The following PPL variants were observed in gnomAD, a reference collection of about 807,000 sequenced individuals.
PPL encodes the protein periplakin.
In PPL, 198 loss-of-function variants were observed where a neutral mutation model predicts 194.4. That is an observed-to-expected ratio of 1.02 (90% CI 0.91 to 1.15). PPL has a LOEUF of 1.15. Among genes scored for constraint, PPL ranks in the 50% most tolerant of loss-of-function variants. The probability of loss-of-function intolerance (pLI) is 0.00; values close to 1 mark genes in which losing one functional copy is unlikely to be tolerated. For synonymous variants in PPL, 1,220 were observed against 972.4 expected, an observed-to-expected ratio of 1.25 and a Z score of -4.74; for missense variants, 2,885 against 2,294.8, an observed-to-expected ratio of 1.26 and a Z score of -5.25.
chr16:4,898,938 G>C (rs1482709734), intron 8 of PPL, 75 bp downstream of exon 8: 1 of 1,251,072 alleles, frequency 8.0e-7, no homozygotes, highest in Non-Finnish European at 1.2e-6. Flanking sequence ...GTCTGCCCGA[G>C]CTCCAGGCGG....
At chr16:4,887,306 C>T (rs1162907496) in intron 20 of PPL, 79 bp from the exon 21 acceptor site, 20 of 1,089,244 alleles carry the variant, frequency 1.8e-5, no homozygotes, top group African/African-American at 6.2e-5. Flanking sequence ...ACAGCGTGGA[C>T]GTGGTTCTTG....
chr16:4,893,659 T>C, intron 12 of PPL, 21 bp from the exon 13 acceptor site: 1 of 1,554,190 alleles, frequency 6.4e-7, no homozygotes, highest in Non-Finnish European at 8.7e-7. Flanking sequence ...AGAAATGAGC[T>C]GGGAACCTGG....
chr16:4,901,127 G>A (rs763223943), intron 4 of PPL, 38 bp from the exon 5 acceptor site: 4 of 1,608,712 alleles, frequency 2.5e-6, no homozygotes, highest in Non-Finnish European at 3.4e-6. Flanking sequence ...GGAGAGGGTG[G>A]GCTGAGGGCT....
rs1403664812 is a variant in PPL at position 4,885,459 on chromosome 16, G to C, written c.3196C>G (p.Leu1066Val). ...TGCAGCTGCTGGTACTCTGCCTCCA[G>C]CTGGGGGTCATTCTGCAGTTTCACC... ...EVVKLQNDPQ[L>V]EAEYQQLQED... Residue 1066 changes from leucine (L) to valine (V), a missense_variant, in exon 22 of 22, where the codon CTG (leucine) becomes GTG (valine). Leu to Val is a conservative substitution (Grantham distance 32, BLOSUM62 1). Coordinates refer to ENST00000345988, the MANE Select transcript of PPL (RefSeq NM_002705.5). The surrounding 1 kb of genome is among the most constrained non-coding windows in gnomAD (Gnocchi z 6.3). 1.9e-6 allele frequency: 3 copies of C among 1,612,444 alleles called. No individual in the cohort carries two copies. The highest frequency in any genetic ancestry group is 1.1e-5 in the South Asian group (1 of 91,070).
Position 4,886,110 on chromosome 16 carries a change from C to T in PPL, c.2608-63G>A, listed in dbSNP as rs917933393. 8 of 1,598,984 alleles carry T rather than the reference C, an allele frequency of 5.0e-6. No homozygotes were observed. The African/African-American group carries it at 6.8e-5, about 14-fold the overall frequency. On this transcript the variant is annotated intron_variant, in intron 21 of 21. Coordinates refer to ENST00000345988, the MANE Select transcript of PPL (RefSeq NM_002705.5). ...TCTGGCAGCACATGTAGGGCCTGTCCCCACCTGGTCAGAGTGGCTGTCCTG... is the reference window on the plus strand; with the variant it reads ...TCTGGCAGCACATGTAGGGCCTGTCTCCACCTGGTCAGAGTGGCTGTCCTG...
intron 2 of PPL, among the ~76,000 whole-genome samples, chr16:4,907,687 A>C (rs777080128): frequency 2.0e-5 from 3 of 152,160 alleles, no homozygotes; most frequent in Non-Finnish European, 4.4e-5. Context: ...TACACATTAC[A>C]TGGTTAATTT....
chr16:4,926,463 T>A (rs1167969907), intron 1 of PPL, among the ~76,000 whole-genome samples: 1 of 152,180 alleles, frequency 6.6e-6, no homozygotes, highest in Non-Finnish European at 1.5e-5. Flanking sequence ...CCCAAGCTTA[T>A]GTAAGGCCTG....
At chr16:4,921,925 G>A (rs2089058263) in intron 1 of PPL, among the ~76,000 whole-genome samples, 1 of 152,112 alleles carries the variant, frequency 6.6e-6, no homozygotes, top group Admixed American at 6.5e-5. Context: ...ATGCCCGTGA[G>A]AGGAGCTGGG....
intron 21 of PPL, 71 bp downstream of exon 21, chr16:4,887,064 T>G: frequency 7.8e-7 from 1 of 1,287,346 alleles, no homozygotes; most frequent in Non-Finnish European, 1.1e-6. Flanking sequence ...AAACCATTTC[T>G]CTAAGACAGA....
intron 2 of PPL, 38 bp downstream of exon 2, chr16:4,910,812 C>A (rs760357451): frequency 9.6e-6 from 15 of 1,560,344 alleles, no homozygotes; most frequent in Non-Finnish European, 1.3e-5. Flanking sequence ...GCTGGCAGCA[C>A]GGGGCACCCA....
Position 4,894,546 on chromosome 16 carries a change from C to G in PPL, c.1315G>C (p.Ala439Pro), listed in dbSNP as rs138056460. 6.2e-7 allele frequency: 1 copy of G among 1,613,854 alleles called. No individual in the cohort carries two copies. Among genetic ancestry groups the G allele is most frequent in the African/African-American group, 1.3e-5 (1 of 75,020 alleles). ...GCCGGAGCAATCAGCTTGTTCCCAG[C>G]GCTGTCCATGAGCTCCCAGCTCTCC... ...NGESWELMDS[A>P]GNKLIAPAVC... Residue 439 changes from alanine to proline, a missense_variant, in exon 12 of 22, where the codon GCT (alanine) becomes CCT (proline). Ala to Pro is a conservative substitution (Grantham distance 27). Coordinates refer to ENST00000345988, the MANE Select transcript of PPL (RefSeq NM_002705.5).
intron 11 of PPL, 108 bp downstream of exon 11, chr16:4,895,153 C>G: frequency 7.4e-7 from 1 of 1,355,824 alleles, no homozygotes; most frequent in Non-Finnish European, 9.8e-7. Context: ...TGACACCAAC[C>G]ACGGAGACAG....
intron 8 of PPL, among the ~76,000 whole-genome samples, chr16:4,898,169 G>C (rs1158483820): frequency 6.6e-6 from 1 of 152,236 alleles, no homozygotes; most frequent in African/African-American, 2.4e-5. Flanking sequence ...CCTGAGGTCA[G>C]GAGTTTGAGA....
chr16:4,901,941 AAAATAAATAAATAAATAAAT>A (rs61188714), intron 4 of PPL, among the ~76,000 whole-genome samples: 3 of 81,836 alleles, frequency 3.7e-5, no homozygotes, highest in Non-Finnish European at 9.7e-5. Context: ...CCTTGTCTCA[AAAATAAATAAATAAATAAAT>A]AAATAAATAA....
At chr16:4,923,810 T>C (rs1676699145) in intron 1 of PPL, among the ~76,000 whole-genome samples, 1 of 152,064 alleles carries the variant, frequency 6.6e-6, no homozygotes, top group Non-Finnish European at 1.5e-5. Flanking sequence ...GCGCTTTGGG[T>C]GTGGCCGCAC....
chr16:4,912,186 C>G (rs2088832129), intron 1 of PPL, among the ~76,000 whole-genome samples: 1 of 152,242 alleles, frequency 6.6e-6, no homozygotes, highest in Non-Finnish European at 1.5e-5. Context: ...CAAAGCTCCA[C>G]ACCCACAAGC....
At chr16:4,901,230 C>T in intron 4 of PPL, 141 bp from the exon 5 acceptor site, 1 of 903,370 alleles carries the variant, frequency 1.1e-6, no homozygotes. Context: ...AGATGCTGGC[C>T]ACACCTTCAA....
At chr16:4,923,768 A>G (rs1032843621) in intron 1 of PPL, among the ~76,000 whole-genome samples, 4 of 152,182 alleles carry the variant, frequency 2.6e-5, no homozygotes, top group African/African-American at 9.7e-5. Flanking sequence ...GAGGGTTGAG[A>G]TAATTCAAGG....
Position 4,885,180 on chromosome 16 carries a change from A to T in PPL, c.3475T>A (p.Trp1159Arg), listed in dbSNP as rs762357647. The T allele has an allele frequency of 1.2e-6, 2 of 1,613,812 alleles. No homozygotes were observed. The highest frequency in any genetic ancestry group is 8.5e-7 in the Non-Finnish European group (1 of 1,180,002). The part of the protein sequence containing the change: ...REKTELLRKI[W>R]ALEEENAKVV... Reference sequence around the variant, plus strand: ...TTGGCGTTCTCCTCCTCCAAGGCCCATATCTTTCGGAGCAGCTCCGTCTTC... The same window carrying T: ...TTGGCGTTCTCCTCCTCCAAGGCCCTTATCTTTCGGAGCAGCTCCGTCTTC... The change falls in exon 22 of 22, where the codon TGG (tryptophan) becomes AGG (arginine). Residue 1159 changes from tryptophan (W) to arginine (R), a missense_variant. Transcript: ENST00000345988. This position sits in a 1 kb window ranked among gnomAD's most constrained non-coding sequence, Gnocchi z 6.3.
Sources: allele counts gnomAD v4.1 joint callset (sites outside exome capture counted in the v4.1 genomes callset), GRCh38; gene constraint gnomAD v4.1.1; non-coding constraint Gnocchi (gnomAD v3.1); transcripts MANE v1.5; gene names NCBI Gene and HGNC (gene_info 2026-07-23, HGNC 2026-07-21).